NRXN3: variants seen among roughly 807,000 people sequenced by gnomAD.
NRXN3 encodes the protein neurexin 3, also known as neurexin III.
A neutral mutation model predicts 137.6 loss-of-function variants in NRXN3; 32 were observed. The observed-to-expected ratio is 0.23, with a 90% CI of 0.18 to 0.31. The LOEUF (loss-of-function observed/expected upper bound fraction) is 0.31. Ranked by LOEUF, NRXN3 falls within the 10% of genes least tolerant of loss-of-function variation. The probability of loss-of-function intolerance (pLI) is 1.00; values close to 1 mark genes in which losing one functional copy is unlikely to be tolerated. For synonymous variants in NRXN3, 798 were observed against 784.5 expected (o/e 1.02, Z -0.29); for missense variants, 1,574 against 2,062.5 (o/e 0.76, Z 4.59).
chr14:79,376,261 TATATACAC>T (rs2094296272), intron 15 of NRXN3, among the ~76,000 whole-genome samples: 1 of 53,818 alleles, frequency 1.9e-5, no homozygotes, highest in African/African-American at 5.3e-5. Context: ...TATATATATA[TATATACAC>T]ATACATATGA....
Position 78,952,380 on chromosome 14 carries a change from G to A in NRXN3, c.2276-4862G>A, listed in dbSNP as rs567540006. Among the ~76,000 whole-genome samples the A allele has an allele frequency of 4.2e-4, 64 of 152,216 alleles. 2 individuals are homozygous for A. In the South Asian group the frequency reaches 0.012, roughly 30 times the overall value. On this transcript the variant is annotated intron_variant, in intron 10 of 20. Transcript: ENST00000335750. ...AAATTTTGTGGACAGAACATAAAAC[G>A]CCTTTTTCCTACTTCTCTGTCCTCC...
intron 1 of NRXN3, among the ~76,000 whole-genome samples, chr14:78,213,553 T>C (rs1207066072): frequency 6.6e-6 from 1 of 152,040 alleles, no homozygotes; most frequent in Non-Finnish European, 1.5e-5. Context: ...CAAGAGTTGA[T>C]TGTTAGAGGA....
At chr14:79,398,460 A>T (rs2095090389) in intron 15 of NRXN3, among the ~76,000 whole-genome samples, 1 of 151,956 alleles carries the variant, frequency 6.6e-6, no homozygotes, top group African/African-American at 2.4e-5. Flanking sequence ...ACTCATATGT[A>T]CTCCACACAT....
intron 4 of NRXN3, among the ~76,000 whole-genome samples, chr14:78,429,223 T>C (rs55905917): frequency 0.11 from 17,158 of 151,470 alleles, 1,379 homozygotes; most frequent in African/African-American, 0.22. Flanking sequence ...ATTAAAAGTG[T>C]GTGCAAACAT....
chr14:79,706,219 A>G (rs1160783833), intron 19 of NRXN3, among the ~76,000 whole-genome samples: 1 of 152,176 alleles, frequency 6.6e-6, no homozygotes, highest in Non-Finnish European at 1.5e-5. Context: ...CTTGTTGCTC[A>G]GCCAAAAGCA....
intron 16 of NRXN3, among the ~76,000 whole-genome samples, chr14:79,614,600 C>G (rs1457950043): frequency 6.6e-6 from 1 of 152,180 alleles, no homozygotes; most frequent in East Asian, 1.9e-4. Context: ...AATTAATTAT[C>G]AGTCCTGTCA....
At chr14:78,794,937 C>G (rs370573138) in intron 8 of NRXN3, among the ~76,000 whole-genome samples, 1 of 142,442 alleles carries the variant, frequency 7.0e-6, no homozygotes, top group African/African-American at 2.7e-5. Flanking sequence ...AACAAACAAA[C>G]AAAAAAAAAA....
chr14:78,907,855 A>G (rs2099223099), intron 10 of NRXN3, among the ~76,000 whole-genome samples: 1 of 151,924 alleles, frequency 6.6e-6, no homozygotes, highest in African/African-American at 2.4e-5. Context: ...ATGCGTTCTC[A>G]TCATTTAACT....
chr14:78,296,728 C>G (rs1473200849), intron 3 of NRXN3, among the ~76,000 whole-genome samples: 1 of 152,152 alleles, frequency 6.6e-6, no homozygotes, highest in Non-Finnish European at 1.5e-5. Flanking sequence ...TATCATTGAT[C>G]TTTTAAAAGT....
chr14:78,680,337 A>G (rs1275500982), intron 6 of NRXN3, among the ~76,000 whole-genome samples: 1 of 152,200 alleles, frequency 6.6e-6, no homozygotes, highest in East Asian at 1.9e-4. Flanking sequence ...ACACAAGTTT[A>G]CCTACGTAAC....
At chr14:79,737,748 A>C (rs1187804248) in intron 19 of NRXN3, among the ~76,000 whole-genome samples, 1 of 150,804 alleles carries the variant, frequency 6.6e-6, no homozygotes, top group Non-Finnish European at 1.5e-5. Context: ...TTTTTAAGTC[A>C]GGGTCTCCCT....
chr14:79,767,108 A>G (rs1023739547), intron 19 of NRXN3, among the ~76,000 whole-genome samples: 5 of 152,182 alleles, frequency 3.3e-5, no homozygotes, highest in African/African-American at 1.2e-4. Context: ...ATGACTTCCC[A>G]TTGCTCTTGG....
intron 15 of NRXN3, among the ~76,000 whole-genome samples, chr14:79,022,817 A>G (rs1277910739): frequency 6.6e-6 from 1 of 152,176 alleles, no homozygotes; most frequent in East Asian, 1.9e-4. Flanking sequence ...TGCAAACAGG[A>G]CTGCAGCCAC....
At chr14:79,763,378 A>C (rs895949815) in intron 19 of NRXN3, among the ~76,000 whole-genome samples, 1 of 69,248 alleles carries the variant, frequency 1.4e-5, no homozygotes, top group Non-Finnish European at 3.5e-5. Context: ...ATACGTGTGC[A>C]TGTGTCTTTA....
chr14:78,198,046 C>A (rs2061377515), intron 1 of NRXN3, among the ~76,000 whole-genome samples: 1 of 152,184 alleles, frequency 6.6e-6, no homozygotes, highest in Non-Finnish European at 1.5e-5. Context: ...TGGAAAGATA[C>A]GACCAGGCCC....
At chr14:79,224,513 TG>T (rs1307122630) in intron 15 of NRXN3, among the ~76,000 whole-genome samples, 9 of 152,172 alleles carry the variant, frequency 5.9e-5, no homozygotes, top group Non-Finnish European at 1.3e-4. Context: ...AAAGTAATGG[TG>T]GGTAGAGGGA....
intron 19 of NRXN3, among the ~76,000 whole-genome samples, chr14:79,793,847 A>G (rs1437023698): frequency 6.6e-6 from 1 of 152,234 alleles, no homozygotes; most frequent in Non-Finnish European, 1.5e-5. Context: ...GCTCAAATGC[A>G]GAATCATTGA....
At chr14:78,849,648 C>T (rs1334657131) in intron 10 of NRXN3, among the ~76,000 whole-genome samples, 1 of 152,052 alleles carries the variant, frequency 6.6e-6, no homozygotes, top group East Asian at 1.9e-4. Context: ...TTTAATGCAA[C>T]CTATCACTGA....
At chr14:79,533,740 A>G (rs1222673225) in intron 16 of NRXN3, among the ~76,000 whole-genome samples, 2 of 152,196 alleles carry the variant, frequency 1.3e-5, no homozygotes, top group South Asian at 2.1e-4. Context: ...TGCATCGACA[A>G]TAATAATCAC....
Sources: allele counts gnomAD v4.1 joint callset (sites outside exome capture counted in the v4.1 genomes callset), GRCh38; gene constraint gnomAD v4.1.1; transcripts MANE v1.5; gene names NCBI Gene and HGNC (gene_info 2026-07-23, HGNC 2026-07-21).